PCSK5: variants seen among roughly 807,000 people sequenced by gnomAD.
PCSK5 encodes the protein prohormone convertase 5.
Under a neutral mutation model 233.2 loss-of-function variants are expected in PCSK5, and 129 were observed. The ratio of observed to expected loss-of-function variants is 0.55; its 90% CI spans 0.48 to 0.64. The LOEUF is 0.64. PCSK5 is among the 30% of genes least tolerant of loss of function. The pLI, the probability that PCSK5 is intolerant of heterozygous loss-of-function variation, is 0.00. For synonymous variants in PCSK5, 825 were observed against 879.2 expected, an observed-to-expected ratio of 0.94 and a Z score of 1.09; for missense variants, 2,076 against 2,430.1, an observed-to-expected ratio of 0.85 and a Z score of 3.06.
chr9:76,193,360 T>G (rs1439720320), intron 20 of PCSK5: 1 of 1,606,334 alleles, frequency 6.2e-7, no homozygotes, highest in Non-Finnish European at 8.5e-7. Flanking sequence ...TGAGCAGCCA[T>G]CTTAGATTTC....
At chr9:76,015,123 G>A (rs1053862797) in intron 3 of PCSK5, among the ~76,000 whole-genome samples, 3 of 152,202 alleles carry the variant, frequency 2.0e-5, no homozygotes, top group Non-Finnish European at 4.4e-5. Flanking sequence ...AGAGCCAAGG[G>A]TGTAAGTCCC....
intron 10 of PCSK5, among the ~76,000 whole-genome samples, chr9:76,135,739 A>G (rs1161198629): frequency 6.6e-6 from 1 of 152,134 alleles, no homozygotes; most frequent in Non-Finnish European, 1.5e-5. Context: ...GAAGGAGCTG[A>G]CACATAACCT....
At chr9:76,271,024 C>A (rs1827495790) in intron 24 of PCSK5, among the ~76,000 whole-genome samples, 1 of 152,040 alleles carries the variant, frequency 6.6e-6, no homozygotes, top group African/African-American at 2.4e-5. Context: ...TATCATCTTC[C>A]ACCCATATCC....
chr9:76,091,340 C>T (rs1358701475), intron 7 of PCSK5, among the ~76,000 whole-genome samples: 2 of 151,952 alleles, frequency 1.3e-5, no homozygotes, highest in South Asian at 2.1e-4. Flanking sequence ...AGAAAGCGAG[C>T]GAGCTAGAGA....
At chr9:76,146,526 A>ATG (rs924272101) in intron 10 of PCSK5, among the ~76,000 whole-genome samples, 40 of 96,560 alleles carry the variant, frequency 4.1e-4, no homozygotes, top group Admixed American at 2.4e-3. Context: ...ATATACATGT[A>ATG]TGTATATATA....
intron 24 of PCSK5, among the ~76,000 whole-genome samples, chr9:76,257,691 G>C (rs1251876241): frequency 6.6e-6 from 1 of 152,158 alleles, no homozygotes. Flanking sequence ...CCAGTTCCAG[G>C]GGCAGGATCT....
At chr9:76,116,884 C>T (rs1052907263) in intron 9 of PCSK5, among the ~76,000 whole-genome samples, 1 of 151,808 alleles carries the variant, frequency 6.6e-6, no homozygotes, top group Non-Finnish European at 1.5e-5. Context: ...CACTATAAAC[C>T]GTAAAGGGAA....
At chr9:76,148,577 T>C (rs1823546784) in intron 10 of PCSK5, among the ~76,000 whole-genome samples, 1 of 152,120 alleles carries the variant, frequency 6.6e-6, no homozygotes, top group Non-Finnish European at 1.5e-5. Context: ...ACAGAAGCCA[T>C]CAGTCATCTT....
chr9:76,278,376 G>A (rs1827755093), intron 24 of PCSK5, among the ~76,000 whole-genome samples: 1 of 152,064 alleles, frequency 6.6e-6, no homozygotes, highest in Non-Finnish European at 1.5e-5. Context: ...GAGACAAAAT[G>A]GGAAGATGAG....
intron 20 of PCSK5, among the ~76,000 whole-genome samples, chr9:76,209,316 C>T (rs1425671011): frequency 1.3e-5 from 2 of 152,186 alleles, no homozygotes; most frequent in East Asian, 3.8e-4. Flanking sequence ...TACCCCTTAC[C>T]AGCACTCCCT....
intron 2 of PCSK5, among the ~76,000 whole-genome samples, chr9:75,962,402 A>G (rs1825392724): frequency 6.6e-6 from 1 of 152,230 alleles, no homozygotes; most frequent in Non-Finnish European, 1.5e-5. Flanking sequence ...GGGCCAGGCA[A>G]TCAGCGAGCA....
intron 5 of PCSK5, among the ~76,000 whole-genome samples, chr9:76,027,304 T>C (rs1448047415): frequency 2.6e-5 from 4 of 152,076 alleles, no homozygotes; most frequent in African/African-American, 4.8e-5. Flanking sequence ...CCTCACGTGG[T>C]AATTGCCCTG....
chr9:75,937,563 G>A (rs373298649), intron 2 of PCSK5, among the ~76,000 whole-genome samples: 15 of 152,302 alleles, frequency 9.8e-5, no homozygotes, highest in East Asian at 7.7e-4. Flanking sequence ...CACCAGCTCC[G>A]TTAGCCCCTA....
intron 11 of PCSK5, among the ~76,000 whole-genome samples, chr9:76,157,648 A>C (rs1822653683): frequency 6.6e-6 from 1 of 151,886 alleles, no homozygotes; most frequent in Non-Finnish European, 1.5e-5. Flanking sequence ...CTATCTTAGT[A>C]GGCTTATTAG....
chr9:76,085,233 C>T (rs1386934112), intron 7 of PCSK5, among the ~76,000 whole-genome samples: 1 of 152,202 alleles, frequency 6.6e-6, no homozygotes, highest in Non-Finnish European at 1.5e-5. Flanking sequence ...CTCTGAGTTC[C>T]TGGAGAATTG....
At chr9:76,235,458 A>G (rs1826224117) in intron 22 of PCSK5, among the ~76,000 whole-genome samples, 2 of 152,158 alleles carry the variant, frequency 1.3e-5, no homozygotes, top group African/African-American at 2.4e-5. Flanking sequence ...CAATCTACCT[A>G]TAAATGCACT....
intron 9 of PCSK5, among the ~76,000 whole-genome samples, chr9:76,129,248 T>C (rs1019028366): frequency 8.5e-6 from 1 of 117,594 alleles, no homozygotes; most frequent in African/African-American, 3.0e-5. Context: ...CTATTTTACA[T>C]AATCTTTAAA....
At chr9:76,151,317 A>C (rs577576583) in intron 10 of PCSK5, among the ~76,000 whole-genome samples, 3 of 152,252 alleles carry the variant, frequency 2.0e-5, no homozygotes, top group Non-Finnish European at 4.4e-5. Context: ...TCAAGAAGGG[A>C]ATTTGGGTAA....
chr9:75,941,324 C>T (rs773805714), intron 2 of PCSK5, among the ~76,000 whole-genome samples: 1 of 152,058 alleles, frequency 6.6e-6, no homozygotes, highest in Non-Finnish European at 1.5e-5. Flanking sequence ...TGGCTTTGGC[C>T]TTGTGTTTCT....
Sources: gnomAD v4.1 joint callset for allele counts (sites outside exome capture counted in the v4.1 genomes callset) on GRCh38, gnomAD v4.1.1 for gene constraint, MANE v1.5 for transcripts, NCBI Gene and HGNC (gene_info 2026-07-23, HGNC 2026-07-21) for gene names.